Variants in RRAS2 observed in about 807,000 individuals in gnomAD.
The protein encoded by RRAS2 is RAS related 2.
RRAS2 carries 7 observed loss-of-function variants against 27.6 expected under a neutral mutation model. That is an observed-to-expected ratio of 0.25 (90% CI 0.14 to 0.48). The LOEUF is 0.48. Ranked by LOEUF, RRAS2 falls within the 20% of genes least tolerant of loss-of-function variation. RRAS2 has a pLI of 0.99. For missense variants in RRAS2, 178 were observed against 256.2 expected, an observed-to-expected ratio of 0.69 and a Z score of 2.08; for synonymous variants, 86 against 90.9, an observed-to-expected ratio of 0.95 and a Z score of 0.31.
chr11:14,292,847 C>T (rs1237662306), intron 4 of RRAS2, among the ~76,000 whole-genome samples: 1 of 151,862 alleles, frequency 6.6e-6, no homozygotes, highest in East Asian at 1.9e-4. Flanking sequence ...GTGGCTCATG[C>T]CTGTAATCCC....
At chr11:14,300,561 C>A (rs1554947240) in intron 1 of RRAS2, among the ~76,000 whole-genome samples, 3 of 152,064 alleles carry the variant, frequency 2.0e-5, no homozygotes, top group Non-Finnish European at 4.4e-5. Context: ...GCCTGAGCAA[C>A]AAAGCAAGAC....
At chr11:14,297,973 C>CA (rs1216905260) in intron 1 of RRAS2, among the ~76,000 whole-genome samples, 42 of 135,040 alleles carry the variant, frequency 3.1e-4, no homozygotes, top group African/African-American at 1.1e-3. Context: ...AAACAGGTAT[C>CA]AATTCACTTA....
chr11:14,318,347 A>G (rs1554949801), intron 1 of RRAS2, among the ~76,000 whole-genome samples: 2 of 152,150 alleles, frequency 1.3e-5, no homozygotes, highest in African/African-American at 4.8e-5. Context: ...TACTAAAAGC[A>G]CAAAAATTAG....
At chr11:14,329,255 T>C (rs1169622265) in intron 1 of RRAS2, among the ~76,000 whole-genome samples, 2 of 151,522 alleles carry the variant, frequency 1.3e-5, no homozygotes, top group African/African-American at 4.9e-5. Context: ...GCTGGGATTA[T>C]AGGCATGAGC....
intron 4 of RRAS2, among the ~76,000 whole-genome samples, chr11:14,283,709 T>C (rs1217439141): frequency 3.9e-5 from 6 of 152,188 alleles, no homozygotes; most frequent in African/African-American, 1.4e-4. Flanking sequence ...TTGTTTATAG[T>C]ATTTATTATC....
chr11:14,291,410 G>A (rs1849813201), intron 4 of RRAS2, among the ~76,000 whole-genome samples: 1 of 152,090 alleles, frequency 6.6e-6, no homozygotes, highest in South Asian at 2.1e-4. Flanking sequence ...ACTTTTCTTT[G>A]TGTCTATCCT....
chr11:14,288,701 T>G (rs1564955305), intron 4 of RRAS2, among the ~76,000 whole-genome samples: 1 of 152,186 alleles, frequency 6.6e-6, no homozygotes, highest in Non-Finnish European at 1.5e-5. Context: ...GAACTACATT[T>G]GGAAGCTTCC....
intron 4 of RRAS2, among the ~76,000 whole-genome samples, chr11:14,282,160 T>C (rs782493816): frequency 6.6e-6 from 1 of 152,100 alleles, no homozygotes; most frequent in Non-Finnish European, 1.5e-5. Context: ...ACTGAATGTG[T>C]GAGGCCATGA....
At chr11:14,338,399 G>A (rs1272458530) in intron 1 of RRAS2, among the ~76,000 whole-genome samples, 1 of 152,144 alleles carries the variant, frequency 6.6e-6, no homozygotes, top group East Asian at 1.9e-4. Flanking sequence ...GCATATACAT[G>A]AGTTATCCTG....
Position 14,358,591 on chromosome 11 carries a change from G to A in RRAS2, c.108+172C>T. 3.0e-6 allele frequency: 3 copies of A among 984,984 alleles called. No individual in the cohort carries two copies. The highest frequency in any genetic ancestry group is 3.6e-6 in the Non-Finnish European group (3 of 829,466). The allele number at this position is 984,984 out of a possible 1,614,324, so 61.0% of individuals were successfully genotyped here. ...GCCCGGGAGGAGGCAGGAGCGCGACGCTGCGGCCGCAGGGCAGGAGCGTAG... is the reference window on the plus strand; with the variant it reads ...GCCCGGGAGGAGGCAGGAGCGCGACACTGCGGCCGCAGGGCAGGAGCGTAG... On this transcript the variant is annotated intron_variant, in intron 1 of 5. Transcript: ENST00000256196. This position sits in a 1 kb window ranked among gnomAD's most constrained non-coding sequence, Gnocchi z 5.1.
chr11:14,294,372 A>ATAT, intron 4 of RRAS2, 99 bp downstream of exon 4: 3 of 563,300 alleles, frequency 5.3e-6, no homozygotes, highest in Non-Finnish European at 8.5e-6. Flanking sequence ...GGAGCACCGT[A>ATAT]TTTTTTTTTT....
At chr11:14,301,582 C>A (rs1387670569) in intron 1 of RRAS2, among the ~76,000 whole-genome samples, 1 of 152,208 alleles carries the variant, frequency 6.6e-6, no homozygotes, top group African/African-American at 2.4e-5. Flanking sequence ...AAGTGACCTG[C>A]TTAGTGCTTA....
intron 1 of RRAS2, among the ~76,000 whole-genome samples, chr11:14,297,979 AC>A (rs1554946881): frequency 8.2e-6 from 1 of 122,176 alleles, no homozygotes; most frequent in Non-Finnish European, 1.7e-5. Context: ...GTATCAATTC[AC>A]TTAACTAGCC....
intron 1 of RRAS2, among the ~76,000 whole-genome samples, chr11:14,306,602 A>C (rs111521759): frequency 0.019 from 2,887 of 152,198 alleles, 108 homozygotes; most frequent in African/African-American, 0.066. Context: ...CCAATTCCAC[A>C]TACCCAGGAT....
At chr11:14,347,105 G>C (rs1379180445) in intron 1 of RRAS2, among the ~76,000 whole-genome samples, 1 of 152,180 alleles carries the variant, frequency 6.6e-6, no homozygotes, top group Non-Finnish European at 1.5e-5. Context: ...CAATGTTGCA[G>C]TAAGCTATGA....
intron 1 of RRAS2, among the ~76,000 whole-genome samples, chr11:14,341,402 T>C (rs1469912486): frequency 6.6e-6 from 1 of 152,178 alleles, no homozygotes; most frequent in African/African-American, 2.4e-5. Flanking sequence ...TAATCATCAG[T>C]TCCTGTAACT....
intron 1 of RRAS2, among the ~76,000 whole-genome samples, chr11:14,335,726 G>A (rs1316380152): frequency 1.3e-5 from 2 of 152,130 alleles, no homozygotes; most frequent in African/African-American, 4.8e-5. Context: ...CCAACACTTT[G>A]GAATCCAAGA....
chr11:14,291,094 G>A (rs1342690919), intron 4 of RRAS2, among the ~76,000 whole-genome samples: 1 of 152,062 alleles, frequency 6.6e-6, no homozygotes, highest in East Asian at 1.9e-4. Flanking sequence ...AACTTGATGG[G>A]GTACCTGTGC....
intron 1 of RRAS2, among the ~76,000 whole-genome samples, chr11:14,352,159 G>T (rs1554954878): frequency 6.6e-6 from 1 of 152,040 alleles, no homozygotes; most frequent in African/African-American, 2.4e-5. Context: ...TGGATAAAGA[G>T]CTTTCTCCCA....
Sources: allele counts gnomAD v4.1 joint callset (sites outside exome capture counted in the v4.1 genomes callset), GRCh38; gene constraint gnomAD v4.1.1; non-coding constraint Gnocchi (gnomAD v3.1); transcripts MANE v1.5; gene names NCBI Gene and HGNC (gene_info 2026-07-23, HGNC 2026-07-21).